The following FAM135B variants were observed in gnomAD, a reference collection of about 807,000 sequenced individuals.
FAM135B encodes protein FAM135B.
Under a neutral mutation model 127.7 loss-of-function variants are expected in FAM135B, and 43 were observed. That is an observed-to-expected ratio of 0.34 (90% CI 0.26 to 0.43). The LOEUF (loss-of-function observed/expected upper bound fraction) is 0.43, where lower values mean the gene tolerates loss of function less well. FAM135B is among the 20% of genes least tolerant of loss of function. The pLI, the probability that FAM135B is intolerant of heterozygous loss-of-function variation, is 1.00. For synonymous variants in FAM135B, 670 were observed against 665.1 expected, an observed-to-expected ratio of 1.01 and a Z score of -0.11; for missense variants, 1,558 against 1,725.6, an observed-to-expected ratio of 0.90 and a Z score of 1.72.
At chr8:138,296,460 C>T (rs1825490598) in intron 3 of FAM135B, among the ~76,000 whole-genome samples, 1 of 152,102 alleles carries the variant, frequency 6.6e-6, no homozygotes, top group African/African-American at 2.4e-5. Context: ...CCCAGCCCCC[C>T]AACTCAATCT....
intron 2 of FAM135B, among the ~76,000 whole-genome samples, chr8:138,362,886 C>T (rs1171296635): frequency 6.6e-6 from 1 of 152,126 alleles, no homozygotes; most frequent in East Asian, 1.9e-4. Context: ...AAAGCAATAC[C>T]ATATGCCAAC....
rs1258400888 is a variant in FAM135B at position 138,152,477 on chromosome 8, C to T, written c.1998G>A (p.Gln666=). 6.2e-7 allele frequency: 1 copy of T among 1,614,078 alleles called. No homozygotes were observed. The highest frequency in any genetic ancestry group is 1.3e-5 in the African/African-American group (1 of 74,928). The part of the protein sequence containing the change: ...SSLKDSHTEE[Q]EELSVLSGVI... ...CCCCGGATAGCACTGAGAGTTCCTC[C>T]TGCTCTTCTGTGTGAGAGTCCTTTA... Residue 666 remains glutamine, a synonymous_variant, in exon 13 of 20, where the codon CAG becomes CAA. Transcript: ENST00000395297.
chr8:138,187,618 A>G (rs1815701437), intron 9 of FAM135B, among the ~76,000 whole-genome samples: 1 of 152,218 alleles, frequency 6.6e-6, no homozygotes, highest in Non-Finnish European at 1.5e-5. Flanking sequence ...ATATATATAC[A>G]TACACATACA....
chr8:138,267,853 C>A (rs1236412768), intron 3 of FAM135B, among the ~76,000 whole-genome samples: 1 of 152,194 alleles, frequency 6.6e-6, no homozygotes, highest in South Asian at 2.1e-4. Flanking sequence ...TCTATTTAGA[C>A]CTGCTGTATT....
intron 12 of FAM135B, among the ~76,000 whole-genome samples, chr8:138,159,803 T>C (rs1021699909): frequency 1.3e-5 from 2 of 152,186 alleles, no homozygotes; most frequent in Non-Finnish European, 1.5e-5. Context: ...TCCTAAGAGA[T>C]ACTCTCTGGA....
rs371845133 is a variant in FAM135B at position 138,242,833 on chromosome 8, G to C, written c.669+109C>G. 7.0e-7 allele frequency: 1 copy of C among 1,433,858 alleles called. No homozygotes were observed. The highest frequency in any genetic ancestry group is 1.5e-5 in the South Asian group (1 of 66,022). 88.8% of individuals were successfully genotyped at this position (1,433,858 alleles called of 1,614,324 possible). ...GATGGTGAAAGGAAGGGTCAAATTA[G>C]CAAAAATCTCTGAAGGGGATGTTTC... On this transcript the variant is annotated intron_variant, in intron 7 of 19. Transcript: ENST00000395297. This position sits in a 1 kb window ranked among gnomAD's most constrained non-coding sequence, Gnocchi z 9.6.
chr8:138,299,500 C>T (rs113774159), intron 3 of FAM135B, among the ~76,000 whole-genome samples: 12 of 152,266 alleles, frequency 7.9e-5, no homozygotes, highest in African/African-American at 2.9e-4. Context: ...TGGCTGCCAA[C>T]GGCAGGCTAC....
At chr8:138,412,420 T>G (rs1833918825) in intron 1 of FAM135B, among the ~76,000 whole-genome samples, 1 of 152,178 alleles carries the variant, frequency 6.6e-6, no homozygotes, top group Admixed American at 6.5e-5. Flanking sequence ...GGGGGGTAAT[T>G]TGTTACACAG....
chr8:138,452,176 C>T (rs892184105), intron 1 of FAM135B, among the ~76,000 whole-genome samples: 3 of 130,670 alleles, frequency 2.3e-5, no homozygotes, highest in Non-Finnish European at 3.1e-5. Context: ...GTTGCTCAGG[C>T]TGGAGTGCAG....
intron 1 of FAM135B, among the ~76,000 whole-genome samples, chr8:138,488,426 AG>A (rs143851865): frequency 0.021 from 3,142 of 151,612 alleles, 112 homozygotes; most frequent in African/African-American, 0.071. Flanking sequence ...AATTCTTTTG[AG>A]GAAAAAAAAA....
At chr8:138,458,567 T>A (rs1256996388) in intron 1 of FAM135B, among the ~76,000 whole-genome samples, 1 of 152,176 alleles carries the variant, frequency 6.6e-6, no homozygotes, top group Non-Finnish European at 1.5e-5. Flanking sequence ...GTCCAGAGAA[T>A]TCCATGCTTC....
chr8:138,476,565 A>G (rs1168174985), intron 1 of FAM135B, among the ~76,000 whole-genome samples: 1 of 152,060 alleles, frequency 6.6e-6, no homozygotes, highest in African/African-American at 2.4e-5. Context: ...TAAACACAAA[A>G]TAGCCTTTCA....
intron 1 of FAM135B, among the ~76,000 whole-genome samples, chr8:138,371,016 G>T (rs1831078665): frequency 6.6e-6 from 1 of 152,158 alleles, no homozygotes; most frequent in Admixed American, 6.5e-5. Context: ...GAGTTTCAGG[G>T]ATCTGTGTTT....
At chr8:138,417,971 C>T (rs1294497221) in intron 1 of FAM135B, among the ~76,000 whole-genome samples, 1 of 151,980 alleles carries the variant, frequency 6.6e-6, no homozygotes, top group African/African-American at 2.4e-5. Context: ...TGGCAGACGT[C>T]AAATTCAGAA....
At chr8:138,291,571 G>A (rs1208703806) in intron 3 of FAM135B, among the ~76,000 whole-genome samples, 1 of 152,064 alleles carries the variant, frequency 6.6e-6, no homozygotes, top group Non-Finnish European at 1.5e-5. Context: ...TAATTCAACA[G>A]CACATTAAAA....
chr8:138,342,388 G>A (rs374714230), intron 2 of FAM135B, among the ~76,000 whole-genome samples: 5 of 152,206 alleles, frequency 3.3e-5, no homozygotes, highest in African/African-American at 1.2e-4. Flanking sequence ...TTTCATTGCT[G>A]CTTTGGCCTC....
At chr8:138,317,028 G>T (rs1270502292) in intron 2 of FAM135B, among the ~76,000 whole-genome samples, 1 of 150,114 alleles carries the variant, frequency 6.7e-6, no homozygotes, top group Non-Finnish European at 1.5e-5. Flanking sequence ...CCCAACAATT[G>T]CCCTCCTAGG....
intron 1 of FAM135B, among the ~76,000 whole-genome samples, chr8:138,451,105 A>G (rs575363366): frequency 6.6e-6 from 1 of 152,206 alleles, no homozygotes; most frequent in East Asian, 1.9e-4. Flanking sequence ...AGACTAGCAC[A>G]CAGGCCCTGC....
intron 7 of FAM135B, among the ~76,000 whole-genome samples, chr8:138,219,587 C>G (rs1378035834): frequency 6.6e-6 from 1 of 152,148 alleles, no homozygotes; most frequent in Non-Finnish European, 1.5e-5. Flanking sequence ...GTCTAAGATA[C>G]CAAATGGACC....
Sources: allele counts gnomAD v4.1 joint callset (sites outside exome capture counted in the v4.1 genomes callset), GRCh38; gene constraint gnomAD v4.1.1; non-coding constraint Gnocchi (gnomAD v3.1); transcripts MANE v1.5; gene names NCBI Gene and HGNC (gene_info 2026-07-23, HGNC 2026-07-21).